Variants in DENND5A observed in about 807,000 individuals in gnomAD.
DENND5A encodes the protein DENN domain-containing protein 5A.
Under a neutral mutation model 140.3 loss-of-function variants are expected in DENND5A, and 64 were observed. The ratio of observed to expected loss-of-function variants is 0.46; its 90% CI spans 0.37 to 0.56. DENND5A has a LOEUF of 0.56. DENND5A is among the 20% of genes least tolerant of loss of function. DENND5A has a pLI of 0.00. For missense variants in DENND5A, 1,292 were observed against 1,593.8 expected (o/e 0.81, Z 3.22); for synonymous variants, 605 against 607.7 (o/e 1.00, Z 0.07).
At chr11:9,214,650 T>C (rs1262531796) in intron 1 of DENND5A, among the ~76,000 whole-genome samples, 1 of 152,174 alleles carries the variant, frequency 6.6e-6, no homozygotes, top group Non-Finnish European at 1.5e-5. Flanking sequence ...GAGTCAGACA[T>C]TCACAAGTAA....
At chr11:9,193,274 C>A (rs1319539762) in intron 5 of DENND5A, among the ~76,000 whole-genome samples, 2 of 152,146 alleles carry the variant, frequency 1.3e-5, no homozygotes, top group Non-Finnish European at 2.9e-5. Context: ...ACAGAAATTA[C>A]AATGTACATA....
At chr11:9,164,264 C>A (rs79850926) in intron 11 of DENND5A, among the ~76,000 whole-genome samples, 2,133 of 129,114 alleles carry the variant, frequency 0.017, 56 homozygotes, top group African/African-American at 0.058. Flanking sequence ...TGTTGCTTAG[C>A]CTGGCCTCAA....
chr11:9,237,212 T>C (rs1427660748), intron 1 of DENND5A, among the ~76,000 whole-genome samples: 1 of 151,946 alleles, frequency 6.6e-6, no homozygotes, highest in Non-Finnish European at 1.5e-5. Flanking sequence ...AGGTCAGGAG[T>C]ACAAGACCAG....
At chr11:9,250,319 C>A (rs61877912) in intron 1 of DENND5A, among the ~76,000 whole-genome samples, 3,174 of 151,396 alleles carry the variant, frequency 0.021, 58 homozygotes, top group Middle Eastern at 0.034. Context: ...ACTACCTAGT[C>A]TAAGAAAAAC....
At chr11:9,260,293 TGG>T (rs1237333140) in intron 1 of DENND5A, among the ~76,000 whole-genome samples, 6 of 152,036 alleles carry the variant, frequency 3.9e-5, no homozygotes, top group Non-Finnish European at 8.8e-5. Context: ...CACAAGTATT[TGG>T]GAACCTTAAT....
At chr11:9,172,982 ATTT>A (rs35189783) in intron 8 of DENND5A, among the ~76,000 whole-genome samples, 16 of 145,648 alleles carry the variant, frequency 1.1e-4, no homozygotes, top group African/African-American at 2.0e-4. Flanking sequence ...TGCCTGGCTA[ATTT>A]TTTTTTTTTT....
intron 1 of DENND5A, among the ~76,000 whole-genome samples, chr11:9,222,333 T>C (rs1249879954): frequency 2.0e-5 from 3 of 152,202 alleles, no homozygotes; most frequent in African/African-American, 7.2e-5. Flanking sequence ...ATACTATTAT[T>C]ATACCTAGAA....
intron 1 of DENND5A, among the ~76,000 whole-genome samples, chr11:9,232,627 G>T (rs1850820526): frequency 6.6e-6 from 1 of 152,178 alleles, no homozygotes; most frequent in Non-Finnish European, 1.5e-5. Flanking sequence ...AAGTGGGAAT[G>T]TAAACTGGTA....
At chr11:9,155,386 T>C (rs1441910248) in intron 12 of DENND5A, among the ~76,000 whole-genome samples, 4 of 152,108 alleles carry the variant, frequency 2.6e-5, no homozygotes, top group Non-Finnish European at 5.9e-5. Context: ...GAGCCTGACA[T>C]GCAATAACAC....
chr11:9,214,433 T>A (rs980986744), intron 1 of DENND5A, among the ~76,000 whole-genome samples: 2 of 152,178 alleles, frequency 1.3e-5, no homozygotes, highest in African/African-American at 4.8e-5. Context: ...TTCATTACTA[T>A]CAGCACTTTT....
At chr11:9,189,016 T>C (rs1156364750) in intron 5 of DENND5A, among the ~76,000 whole-genome samples, 2 of 152,180 alleles carry the variant, frequency 1.3e-5, no homozygotes, top group Admixed American at 6.5e-5. Flanking sequence ...CCCCTCCCTT[T>C]ACAGGCCTGG....
chr11:9,233,398 C>CAA (rs1001576602), intron 1 of DENND5A, among the ~76,000 whole-genome samples: 19 of 53,966 alleles, frequency 3.5e-4, no homozygotes, highest in African/African-American at 9.7e-4. Context: ...GACTCTGTCT[C>CAA]AAAAAAAAAA....
rs137931199 is a variant in DENND5A at position 9,231,248 on chromosome 11, T to C, written c.110-23616A>G. ...CCTAACATGCAAACCTCTACTGCAC[T>C]AAAGTGGCAACACATATCTGTTTCA... On this transcript the variant is annotated intron_variant, in intron 1 of 22. Transcript: ENST00000328194. Among the ~76,000 whole-genome samples, 7 of 152,336 alleles carry C rather than the reference T, an allele frequency of 4.6e-5. No homozygotes were observed. The East Asian group carries it at 1.3e-3, about 29-fold the overall frequency.
rs112025090 is a variant in DENND5A, at chr11:9,206,893, G to C, written c.182-111C>G. On this transcript the variant is annotated intron_variant, in intron 2 of 22. Coordinates refer to ENST00000328194, the MANE Select transcript of DENND5A (RefSeq NM_015213.4). ...AAGGTACAGAAATGAAGGCAAGGGG[G>C]TTAGTATGCCAACCATCTAAGAATA... The C allele has an allele frequency of 3.1e-3, 2,289 of 732,736 alleles. 42 individuals are homozygous for C. In the African/African-American group the frequency reaches 0.035, roughly 11 times the overall value. 45.4% of individuals were successfully genotyped at this position (732,736 alleles called of 1,614,324 possible).
intron 1 of DENND5A, among the ~76,000 whole-genome samples, chr11:9,239,028 C>T (rs544194245): frequency 6.6e-6 from 1 of 151,398 alleles, no homozygotes; most frequent in South Asian, 2.1e-4. Context: ...GACCAGGTTT[C>T]ACCATGTTGG....
chr11:9,263,316 G>A (rs1166430079), intron 1 of DENND5A, among the ~76,000 whole-genome samples: 2 of 151,318 alleles, frequency 1.3e-5, no homozygotes, highest in Non-Finnish European at 2.9e-5. Context: ...CCCCTCCTGG[G>A]TTAAAGCGAT....
rs1272200340 is a variant in DENND5A, at chr11:9,161,111, G to C, written c.2284-246C>G. Among the ~76,000 whole-genome samples the C allele has an allele frequency of 2.0e-5, 3 of 152,180 alleles. No individual in the cohort carries two copies. In the East Asian group the frequency reaches 5.8e-4, roughly 29 times the overall value. ...ACCTGTAATCCCAGCACTCTGGGAG[G>C]CCTAGTTGGGCGGATCACAAGGTCA... On this transcript the variant is annotated intron_variant, in intron 11 of 22. Coordinates refer to ENST00000328194, the MANE Select transcript of DENND5A (RefSeq NM_015213.4).
intron 4 of DENND5A, among the ~76,000 whole-genome samples, chr11:9,199,881 A>G (rs1005213954): frequency 6.6e-6 from 1 of 152,232 alleles, no homozygotes; most frequent in Non-Finnish European, 1.5e-5. Context: ...GCACTCTATT[A>G]ACAACAAAAA....
intron 10 of DENND5A, among the ~76,000 whole-genome samples, chr11:9,168,131 A>T (rs1848251499): frequency 1.4e-5 from 2 of 141,288 alleles, no homozygotes; most frequent in African/African-American, 2.7e-5. Context: ...ATTCCTTGAT[A>T]CCTCAGTGAT....
Sources: gnomAD v4.1 joint callset for allele counts (sites outside exome capture counted in the v4.1 genomes callset) on GRCh38, gnomAD v4.1.1 for gene constraint, MANE v1.5 for transcripts, NCBI Gene and HGNC (gene_info 2026-07-23, HGNC 2026-07-21) for gene names.